ATP13A3: variants seen among roughly 807,000 people sequenced by gnomAD.
ATP13A3 encodes polyamine-transporting ATPase 13A3.
A neutral mutation model predicts 158.1 loss-of-function variants in ATP13A3; 59 were observed. The ratio of observed to expected loss-of-function variants is 0.37; its 90% CI spans 0.30 to 0.46. ATP13A3 has a LOEUF of 0.46. Ranked by LOEUF, ATP13A3 falls within the 20% of genes least tolerant of loss-of-function variation. The pLI is 1.00. For synonymous variants in ATP13A3, 491 were observed against 504.3 expected (o/e 0.97, Z 0.35); for missense variants, 1,166 against 1,525.2 (o/e 0.76, Z 3.92).
chr3:194,422,559 G>A (rs1175235647), intron 30 of ATP13A3, among the ~76,000 whole-genome samples: 1 of 152,126 alleles, frequency 6.6e-6, no homozygotes, highest in Non-Finnish European at 1.5e-5. Context: ...GGAAATAAGA[G>A]ATTTTTAAGT....
chr3:194,477,519 C>T (rs556947733), intron 2 of ATP13A3, among the ~76,000 whole-genome samples: 3 of 152,124 alleles, frequency 2.0e-5, no homozygotes, highest in Non-Finnish European at 4.4e-5. Context: ...CCTTAGTGAC[C>T]TCATGGAACT....
chr3:194,444,319 G>A (rs574819319), intron 15 of ATP13A3, among the ~76,000 whole-genome samples: 3 of 152,258 alleles, frequency 2.0e-5, no homozygotes, highest in Admixed American at 6.5e-5. Flanking sequence ...ATCATTCAAT[G>A]GAATAAGACA....
chr3:194,419,651 G>C, intron 31 of ATP13A3: 4 of 467,700 alleles, frequency 8.6e-6, no homozygotes, highest in Non-Finnish European at 1.1e-5. Flanking sequence ...TAAAGACCAA[G>C]GGCTATTTAA....
At chr3:194,413,875 G>T (rs1234085522) in intron 31 of ATP13A3, 36 bp from the exon 32 acceptor site, 2 of 1,540,624 alleles carry the variant, frequency 1.3e-6, no homozygotes, top group African/African-American at 1.4e-5. Context: ...TAAAATTGTT[G>T]TATGTAGTCA....
rs556645336 is a variant in ATP13A3, at chr3:194,454,249, T to C, written c.765+9A>G. 34 of 1,594,612 alleles carry C rather than the reference T, an allele frequency of 2.1e-5. No individual in the cohort carries two copies. The East Asian group carries it at 5.1e-4, about 24-fold the overall frequency. On this transcript the variant is annotated intron_variant, in intron 9 of 33. Coordinates refer to ENST00000645319, the MANE Select transcript of ATP13A3 (RefSeq NM_001367549.1). ...ACAGTTGTGAAACCCATAATAAATT[T>C]GAACTTACCTTTCTAATGGAATATA...
chr3:194,420,111 G>T, intron 30 of ATP13A3, 144 bp from the exon 31 acceptor site: 2 of 877,064 alleles, frequency 2.3e-6, no homozygotes, highest in Non-Finnish European at 3.1e-6. Context: ...TATGTGCTCT[G>T]TTATCTCCTG....
chr3:194,438,462 A>C (rs1329539140), intron 17 of ATP13A3, among the ~76,000 whole-genome samples: 2 of 152,238 alleles, frequency 1.3e-5, no homozygotes, highest in Non-Finnish European at 2.9e-5. Context: ...CAGCTGTATA[A>C]ATCACAAGGC....
intron 8 of ATP13A3, among the ~76,000 whole-genome samples, chr3:194,455,654 G>A (rs1214081909): frequency 6.6e-6 from 1 of 152,176 alleles, no homozygotes; most frequent in Non-Finnish European, 1.5e-5. Context: ...GAAGATTGGT[G>A]AGCCTAACTC....
intron 2 of ATP13A3, among the ~76,000 whole-genome samples, chr3:194,468,834 A>G (rs2109010939): frequency 6.6e-6 from 1 of 152,340 alleles, no homozygotes; most frequent in East Asian, 1.9e-4. Context: ...TTTTTCCTTC[A>G]GTCAGTATTT....
chr3:194,487,864 C>T (rs996793612), upstream of ATP13A3: 1 of 152,412 alleles, frequency 6.6e-6, no homozygotes, highest in Non-Finnish European at 1.5e-5. Flanking sequence ...AACTCAGCCG[C>T]CTTAGCGTCT....
chr3:194,462,246 G>C lies in ATP13A3; in HGVS notation c.-46-10C>G. 7.4e-6 allele frequency: 11 copies of C among 1,494,566 alleles called. No individual in the cohort carries two copies. The highest frequency in any genetic ancestry group is 1.0e-5 in the Non-Finnish European group (11 of 1,072,090). 92.6% of individuals were successfully genotyped at this position (1,494,566 alleles called of 1,614,324 possible). A position where few individuals can be genotyped will look rare whatever the true frequency, so the allele number is the denominator to read the frequency against. On this transcript the variant is annotated splice_polypyrimidine_tract_variant and intron_variant, in intron 2 of 33. Transcript: ENST00000645319. Reference sequence around the variant, plus strand: ...AAACAATGGAAGATCACTGAGGGAAGAAAGGGAACAGACGTTAGGGAACTA... The same window carrying C: ...AAACAATGGAAGATCACTGAGGGAACAAAGGGAACAGACGTTAGGGAACTA...
rs751384201 is a variant in ATP13A3 at position 194,450,325 on chromosome 3, T to G, written c.839-49A>C. The G allele has an allele frequency of 9.1e-6, 14 of 1,546,136 alleles. 1 individual carries two copies. In the South Asian group the frequency reaches 1.6e-4, roughly 18 times the overall value. On this transcript the variant is annotated intron_variant, in intron 10 of 33. Transcript: ENST00000645319. The stretch of plus-strand genomic sequence containing the variant: ...AATCTGAAAAAGATATTCTTTACCT[T>G]GGAAAAATACAGCAAATGCTATTCA...
chr3:194,452,490 A>G (rs1444043523), intron 10 of ATP13A3: 2 of 152,212 alleles, frequency 1.3e-5, no homozygotes, highest in African/African-American at 4.8e-5. Flanking sequence ...TCGAAAAAAT[A>G]AAATAAAATA....
At chr3:194,433,361 A>T (rs1264753203) in intron 21 of ATP13A3, among the ~76,000 whole-genome samples, 1 of 149,232 alleles carries the variant, frequency 6.7e-6, no homozygotes, top group Non-Finnish European at 1.5e-5. Flanking sequence ...CTCCTGCCTC[A>T]GCCTCCCGAG....
rs1716848369 is a variant in ATP13A3, at chr3:194,427,196, T to C, written c.3004A>G (p.Ile1002Val). 1.2e-6 allele frequency: 2 copies of C among 1,613,372 alleles called. No homozygotes were observed. The highest frequency in any genetic ancestry group is 1.1e-5 in the South Asian group (1 of 90,842). ...ACGGAGAAGAGAAGGGCCCCAGATATAAGACCCGAAGGTGGTCTTTGTGCC... is the reference window on the plus strand; with the variant it reads ...ACGGAGAAGAGAAGGGCCCCAGATACAAGACCCGAAGGTGGTCTTTGTGCC... The part of the protein sequence containing the change: ...LVAQRPPSGL[I>V]SGALLFSVLS... Residue 1002 changes from isoleucine to valine, a missense_variant, in exon 29 of 34, where the codon ATA becomes GTA. Transcript: ENST00000645319.
chr3:194,429,611 A>G, intron 27 of ATP13A3, 67 bp downstream of exon 27: 1 of 1,256,248 alleles, frequency 8.0e-7, no homozygotes. Flanking sequence ...AATCAAACAC[A>G]TACGCTCAAC....
At chr3:194,421,784 A>G (rs1282257926) in intron 30 of ATP13A3, among the ~76,000 whole-genome samples, 1 of 151,976 alleles carries the variant, frequency 6.6e-6, no homozygotes, top group Admixed American at 6.6e-5. Context: ...AAGGACAAAA[A>G]GCAATGGTCA....
Position 194,454,390 on chromosome 3 carries a change from A to G in ATP13A3, c.633T>C (p.Val211=), listed in dbSNP as rs1560101628. 1.2e-6 allele frequency: 2 copies of G among 1,609,082 alleles called. No homozygotes were observed. The highest frequency in any genetic ancestry group is 2.2e-5 in the South Asian group (2 of 90,772). The stretch of plus-strand genomic sequence containing the variant: ...GCTGGAAAATGTAAAATGGGTTGAG[A>G]ACCTAAAAAACAAGATTTTAAAGTC... ...PSVFKLLIKE[V]LNPFYIFQLF... The change falls in exon 9 of 34, where the codon GTT becomes GTC. Residue 211 remains valine (V), a splice_region_variant and synonymous_variant. Coordinates refer to ENST00000645319, the MANE Select transcript of ATP13A3 (RefSeq NM_001367549.1).
At chr3:194,493,646 A>T (rs533119838) in intron 2 of ATP13A3, among the ~76,000 whole-genome samples, 16 of 152,238 alleles carry the variant, frequency 1.1e-4, no homozygotes, top group Admixed American at 5.9e-4. Context: ...TCAAAAAACA[A>T]AACAAAAAGA....
Sources: gnomAD v4.1 joint callset for allele counts (sites outside exome capture counted in the v4.1 genomes callset) on GRCh38, gnomAD v4.1.1 for gene constraint, MANE v1.5 for transcripts, NCBI Gene and HGNC (gene_info 2026-07-23, HGNC 2026-07-21) for gene names.